The following CLYBL variants were observed in gnomAD, a reference collection of about 807,000 sequenced individuals.
CLYBL encodes citramalyl-CoA lyase.
Under a neutral mutation model 38.9 loss-of-function variants are expected in CLYBL, and 31 were observed. That is an observed-to-expected ratio of 0.80 (90% CI 0.60 to 1.08). The LOEUF (loss-of-function observed/expected upper bound fraction) is 1.08. CLYBL is among the 50% of genes least tolerant of loss of function. CLYBL has a pLI of 0.00. For synonymous variants in CLYBL, 171 were observed against 158.6 expected (o/e 1.08, Z -0.59); for missense variants, 434 against 411.6 (o/e 1.05, Z -0.47).
chr13:99,824,334 A>T (rs796734790), intron 2 of CLYBL, among the ~76,000 whole-genome samples: 11 of 127,424 alleles, frequency 8.6e-5, no homozygotes, highest in African/African-American at 3.3e-4. Context: ...GAGCATGGGA[A>T]ATGTTAACTT....
intron 2 of CLYBL, among the ~76,000 whole-genome samples, chr13:99,844,646 A>T (rs1378848716): frequency 6.6e-6 from 1 of 151,026 alleles, no homozygotes. Context: ...GACTTCAGTC[A>T]CTCTCCCTGT....
chr13:99,841,361 AAGAC>A (rs2051071481), intron 2 of CLYBL, among the ~76,000 whole-genome samples: 1 of 151,806 alleles, frequency 6.6e-6, no homozygotes, highest in Admixed American at 6.6e-5. Context: ...CCTATAATGA[AAGAC>A]AGATTAACAG....
At chr13:99,909,393 G>A (rs949626241) in exon 10 of CLYBL, among the ~76,000 whole-genome samples, 6 of 152,200 alleles carry the variant, frequency 3.9e-5, no homozygotes, top group Non-Finnish European at 7.3e-5. Flanking sequence ...GCACATACTA[G>A]TAACAAATGT....
chr13:99,800,349 T>C (rs938604784), intron 2 of CLYBL, among the ~76,000 whole-genome samples: 2 of 152,198 alleles, frequency 1.3e-5, no homozygotes, highest in African/African-American at 2.4e-5. Flanking sequence ...GAATTTTACC[T>C]GAGGAGGTGA....
intron 2 of CLYBL, among the ~76,000 whole-genome samples, chr13:99,802,490 CAAT>C (rs2050155131): frequency 6.6e-6 from 1 of 151,996 alleles, no homozygotes; most frequent in Admixed American, 6.6e-5. Flanking sequence ...TTCAGATAAA[CAAT>C]AGGATGGCTA....
At chr13:99,706,511 C>T (rs1001928003) in intron 1 of CLYBL, among the ~76,000 whole-genome samples, 3 of 152,136 alleles carry the variant, frequency 2.0e-5, no homozygotes, top group African/African-American at 7.2e-5. Context: ...TTTGGATTAT[C>T]GGTGCCCTGT....
intron 1 of CLYBL, among the ~76,000 whole-genome samples, chr13:99,754,793 C>T (rs1225351942): frequency 4.9e-5 from 7 of 144,144 alleles, no homozygotes; most frequent in Admixed American, 7.3e-5. Flanking sequence ...GGGGTTTTAC[C>T]GTGTTGGCCA....
At chr13:99,651,815 C>T (rs1385529124) in intron 1 of CLYBL, among the ~76,000 whole-genome samples, 1 of 152,006 alleles carries the variant, frequency 6.6e-6, no homozygotes, top group Non-Finnish European at 1.5e-5. Flanking sequence ...GCCTGTAATC[C>T]CAGCTACTTG....
intron 2 of CLYBL, among the ~76,000 whole-genome samples, chr13:99,845,183 A>G (rs1204764854): frequency 1.3e-5 from 2 of 152,160 alleles, no homozygotes; most frequent in Non-Finnish European, 1.5e-5. Context: ...GAAGGATACA[A>G]TTTCGTTTTG....
At chr13:99,622,294 A>G (rs192691076) in intron 1 of CLYBL, among the ~76,000 whole-genome samples, 5 of 152,338 alleles carry the variant, frequency 3.3e-5, no homozygotes, top group South Asian at 4.1e-4. Flanking sequence ...GGACGTGGAC[A>G]TCTTTGGGGG....
At chr13:99,659,922 G>A (rs1386246570) in intron 1 of CLYBL, among the ~76,000 whole-genome samples, 1 of 152,148 alleles carries the variant, frequency 6.6e-6, no homozygotes, top group African/African-American at 2.4e-5. Context: ...ACCAGGGGGC[G>A]ATTTCTGGGC....
intron 2 of CLYBL, among the ~76,000 whole-genome samples, chr13:99,791,444 G>A (rs1210920448): frequency 1.3e-5 from 2 of 152,106 alleles, no homozygotes; most frequent in Admixed American, 1.3e-4. Flanking sequence ...TAATTAGTAT[G>A]TCCCTTAAGG....
chr13:99,846,286 A>ATTTTTTTTT (rs5806139), intron 2 of CLYBL, among the ~76,000 whole-genome samples: 3 of 108,150 alleles, frequency 2.8e-5, no homozygotes, highest in Non-Finnish European at 3.7e-5. Flanking sequence ...TTGTGTGGAG[A>ATTTTTTTTT]TTTTTTTTTT....
intron 2 of CLYBL, among the ~76,000 whole-genome samples, chr13:99,780,193 A>G (rs1367145452): frequency 1.3e-5 from 2 of 152,132 alleles, no homozygotes; most frequent in Non-Finnish European, 2.9e-5. Flanking sequence ...TGTACTGACC[A>G]TCTTTATCCC....
intron 1 of CLYBL, among the ~76,000 whole-genome samples, chr13:99,719,518 T>A (rs572277225): frequency 5.9e-5 from 9 of 151,758 alleles, no homozygotes; most frequent in East Asian, 1.9e-4. Flanking sequence ...ATATATATAT[T>A]TTTTGGAGAC....
chr13:99,905,007 C>G (rs2052680805), intron 8 of CLYBL, among the ~76,000 whole-genome samples: 1 of 152,052 alleles, frequency 6.6e-6, no homozygotes, highest in East Asian at 1.9e-4. Flanking sequence ...TTCTGCTCCC[C>G]CACATCTGCC....
At chr13:99,626,843 G>A (rs1594089835) in intron 1 of CLYBL, among the ~76,000 whole-genome samples, 2 of 151,884 alleles carry the variant, frequency 1.3e-5, no homozygotes, top group Admixed American at 6.6e-5. Flanking sequence ...GTAGTCCCAG[G>A]TGGATGTAAT....
At chr13:99,655,856 C>T (rs2047322529) in intron 1 of CLYBL, among the ~76,000 whole-genome samples, 1 of 152,220 alleles carries the variant, frequency 6.6e-6, no homozygotes, top group Admixed American at 6.5e-5. Context: ...AACCATTGCC[C>T]AGTCATCGAG....
chr13:99,739,941 G>A (rs1181477027), intron 1 of CLYBL, among the ~76,000 whole-genome samples: 1 of 151,910 alleles, frequency 6.6e-6, no homozygotes, highest in Non-Finnish European at 1.5e-5. Flanking sequence ...ATTGCACTCC[G>A]GCCTGGGCAA....
Sources: gnomAD v4.1 joint callset for allele counts (sites outside exome capture counted in the v4.1 genomes callset) on GRCh38, gnomAD v4.1.1 for gene constraint, MANE v1.5 for transcripts, NCBI Gene and HGNC (gene_info 2026-07-23, HGNC 2026-07-21) for gene names.